TDRD3: variants seen among roughly 807,000 people sequenced by gnomAD.
TDRD3 encodes the protein tudor domain-containing protein 3.
TDRD3 carries 45 observed loss-of-function variants against 86.7 expected under a neutral mutation model. The ratio of observed to expected loss-of-function variants is 0.52; its 90% confidence interval spans 0.41 to 0.67. The LOEUF (loss-of-function observed/expected upper bound fraction) is 0.67. Ranked by LOEUF, TDRD3 falls within the 30% of genes least tolerant of loss-of-function variation. The pLI is 0.00. For synonymous variants in TDRD3, 298 were observed against 301.7 expected (o/e 0.99, Z 0.13); for missense variants, 814 against 889.0 (o/e 0.92, Z 1.07).
chr13:60,430,256 A>G (rs1954919650), intron 1 of TDRD3, among the ~76,000 whole-genome samples: 1 of 152,194 alleles, frequency 6.6e-6, no homozygotes, highest in South Asian at 2.1e-4. Context: ...TTAACCAAGT[A>G]TGTGATCTCC....
intron 4 of TDRD3, among the ~76,000 whole-genome samples, chr13:60,466,326 G>GA (rs1377928385): frequency 1.3e-5 from 2 of 151,988 alleles, no homozygotes; most frequent in Non-Finnish European, 2.9e-5. Flanking sequence ...AGCTCAGAGG[G>GA]AAAAAATGTC....
chr13:60,431,064 A>G (rs1340522662), intron 1 of TDRD3, among the ~76,000 whole-genome samples: 2 of 152,222 alleles, frequency 1.3e-5, no homozygotes, highest in Admixed American at 1.3e-4. Context: ...TTGTCTTAAT[A>G]TATCTAATGG....
Position 60,486,764 on chromosome 13 carries a change from C to T in TDRD3, c.717+816C>T, listed in dbSNP as rs111401536. ...ATCAACCTCTCCCACTGTCCCTTAA[C>T]GTTCACCCTTCCCAGCCTCTAGTAA... On this transcript the variant is annotated intron_variant, in intron 7 of 13. Transcript: ENST00000377881. Among the ~76,000 whole-genome samples, 516 of 152,278 alleles carry T rather than the reference C, an allele frequency of 3.4e-3. 4 individuals carry two copies. Among genetic ancestry groups the T allele is most frequent in the African/African-American group, 0.012 (490 of 41,550 alleles).
At chr13:60,496,708 G>A (rs1956726768) in intron 8 of TDRD3, among the ~76,000 whole-genome samples, 1 of 152,152 alleles carries the variant, frequency 6.6e-6, no homozygotes, top group African/African-American at 2.4e-5. Context: ...GGTGGACAAA[G>A]TGATGAAAGA....
chr13:60,563,634 G>A (rs1244805173), intron 12 of TDRD3, among the ~76,000 whole-genome samples: 1 of 152,130 alleles, frequency 6.6e-6, no homozygotes, highest in Non-Finnish European at 1.5e-5. Context: ...ATTGGCTGAT[G>A]CCCCCAGCCG....
At chr13:60,397,461 G>A (rs1594882607) in intron 1 of TDRD3, 56 bp downstream of exon 1, 6 of 1,422,348 alleles carry the variant, frequency 4.2e-6, no homozygotes, top group Non-Finnish European at 5.5e-6. Context: ...GGGCCCCAGG[G>A]AGGTTGGGTT....
intron 1 of TDRD3, among the ~76,000 whole-genome samples, chr13:60,416,785 AT>A (rs762440083): frequency 1.7e-4 from 26 of 152,148 alleles, no homozygotes; most frequent in Non-Finnish European, 3.4e-4. Context: ...CTATCTTGGA[AT>A]TCACTGTTAA....
intron 8 of TDRD3, among the ~76,000 whole-genome samples, chr13:60,504,160 A>T (rs149658300): frequency 1.3e-3 from 192 of 152,336 alleles, no homozygotes; most frequent in African/African-American, 4.5e-3. Flanking sequence ...CAAATCTGAG[A>T]TAATCACTCA....
At chr13:60,454,922 T>C (rs1955630855) in intron 3 of TDRD3, among the ~76,000 whole-genome samples, 1 of 152,096 alleles carries the variant, frequency 6.6e-6, no homozygotes, top group Non-Finnish European at 1.5e-5. Flanking sequence ...ATTGGTTGAT[T>C]GATTGATTGA....
chr13:60,517,185 C>CT (rs59969075), intron 10 of TDRD3, among the ~76,000 whole-genome samples: 20,300 of 143,776 alleles, frequency 0.14, 1,416 homozygotes, highest in East Asian at 0.2. Flanking sequence ...TTTGTTTTTG[C>CT]TTTTTTTTTT....
chr13:60,541,697 A>AT (rs907332416), intron 12 of TDRD3, among the ~76,000 whole-genome samples: 6 of 76,736 alleles, frequency 7.8e-5, no homozygotes, highest in African/African-American at 2.9e-4. Context: ...TAATAGATGG[A>AT]TTTTTCCTTC....
intron 6 of TDRD3, chr13:60,484,615 C>G (rs1173677993): frequency 7.0e-6 from 3 of 427,292 alleles, no homozygotes; most frequent in African/African-American, 6.2e-5. Flanking sequence ...GATATACTCT[C>G]ACTTAAATAA....
chr13:60,426,430 C>G (rs1008626516), intron 1 of TDRD3, among the ~76,000 whole-genome samples: 2 of 152,080 alleles, frequency 1.3e-5, no homozygotes, highest in African/African-American at 4.8e-5. Context: ...CCTTGTCACA[C>G]ACAAAAAGTA....
chr13:60,476,379 T>C (rs1956187210), intron 5 of TDRD3, among the ~76,000 whole-genome samples: 1 of 152,200 alleles, frequency 6.6e-6, no homozygotes, highest in South Asian at 2.1e-4. Flanking sequence ...CTAGGTTCTT[T>C]ATCCTGTTCC....
chr13:60,525,110 C>CAA (rs1403024922), intron 10 of TDRD3, among the ~76,000 whole-genome samples: 1 of 104,080 alleles, frequency 9.6e-6, no homozygotes, highest in African/African-American at 3.4e-5. Flanking sequence ...AAAAAAAAAA[C>CAA]CCCACAATTT....
At chr13:60,481,226 C>T (rs187504676) in intron 5 of TDRD3, among the ~76,000 whole-genome samples, 8 of 151,968 alleles carry the variant, frequency 5.3e-5, no homozygotes, top group African/African-American at 1.9e-4. Flanking sequence ...GGTTGGTGTG[C>T]GTTTTATCCT....
intron 5 of TDRD3, among the ~76,000 whole-genome samples, chr13:60,467,866 T>C (rs185332822): frequency 4.5e-4 from 68 of 152,324 alleles, no homozygotes; most frequent in Non-Finnish European, 6.9e-4. Flanking sequence ...TTTCCAGTCA[T>C]GTAGGTTATC....
intron 1 of TDRD3, among the ~76,000 whole-genome samples, chr13:60,406,362 C>T (rs1284225224): frequency 2.0e-5 from 3 of 152,122 alleles, no homozygotes; most frequent in Non-Finnish European, 4.4e-5. Context: ...ATTTGGAAGA[C>T]AGTACTAAAA....
chr13:60,496,299 A>G (rs1219085950), intron 8 of TDRD3, among the ~76,000 whole-genome samples: 1 of 15,640 alleles, frequency 6.4e-5, no homozygotes, highest in Non-Finnish European at 1.2e-4. Flanking sequence ...ATATATATAT[A>G]TATATATATA....
Sources: allele counts gnomAD v4.1 joint callset (sites outside exome capture counted in the v4.1 genomes callset), GRCh38; gene constraint gnomAD v4.1.1; transcripts MANE v1.5; gene names NCBI Gene and HGNC (gene_info 2026-07-23, HGNC 2026-07-21).